Variants in RPS6KA5 observed in about 807,000 individuals in gnomAD.
RPS6KA5 encodes ribosomal protein S6 kinase alpha-5.
Under a neutral mutation model 85.5 loss-of-function variants are expected in RPS6KA5, and 27 were observed. The observed-to-expected ratio is 0.32, with a 90% CI of 0.23 to 0.44. The LOEUF (loss-of-function observed/expected upper bound fraction) is 0.44, where lower values mean the gene tolerates loss of function less well. Ranked by LOEUF, RPS6KA5 falls within the 20% of genes least tolerant of loss-of-function variation. RPS6KA5 has a pLI of 1.00. For synonymous variants in RPS6KA5, 334 were observed against 348.2 expected (o/e 0.96, Z 0.46); for missense variants, 811 against 980.9 (o/e 0.83, Z 2.31).
chr14:90,873,600 C>T (rs1406133840), intron 16 of RPS6KA5, 32 bp downstream of exon 16: 1 of 1,550,892 alleles, frequency 6.4e-7, no homozygotes, highest in Non-Finnish European at 8.7e-7. Flanking sequence ...CCTACTCAAA[C>T]CGCCCAACAT....
intron 2 of RPS6KA5, among the ~76,000 whole-genome samples, chr14:90,998,678 T>C (rs1209624336): frequency 6.6e-6 from 1 of 152,182 alleles, no homozygotes; most frequent in African/African-American, 2.4e-5. Context: ...TTTTAAAAAA[T>C]ACATTTGAAC....
intron 1 of RPS6KA5, among the ~76,000 whole-genome samples, chr14:91,053,015 T>C (rs1043660310): frequency 6.6e-6 from 1 of 152,088 alleles, no homozygotes; most frequent in East Asian, 1.9e-4. Flanking sequence ...AAGGATTATA[T>C]ACCATGACAA....
At chr14:90,983,276 CAAA>C (rs562999325) in intron 2 of RPS6KA5, among the ~76,000 whole-genome samples, 4 of 66,594 alleles carry the variant, frequency 6.0e-5, no homozygotes, top group Admixed American at 1.7e-4. Flanking sequence ...GACTCCATCT[CAAA>C]AAAAAAAAAA....
intron 8 of RPS6KA5, among the ~76,000 whole-genome samples, chr14:90,905,942 C>A (rs1362410421): frequency 3.3e-5 from 5 of 151,916 alleles, no homozygotes; most frequent in Non-Finnish European, 5.9e-5. Context: ...GAGAAAAATA[C>A]CATTAATGTT....
intron 4 of RPS6KA5, among the ~76,000 whole-genome samples, chr14:90,944,229 T>C (rs1278829229): frequency 1.3e-5 from 2 of 152,228 alleles, no homozygotes; most frequent in Non-Finnish European, 2.9e-5. Context: ...CTGAATTAAA[T>C]GTTTCTAAAC....
chr14:90,974,279 A>G (rs901277171), intron 3 of RPS6KA5, among the ~76,000 whole-genome samples: 5 of 152,216 alleles, frequency 3.3e-5, no homozygotes, highest in African/African-American at 1.2e-4. Flanking sequence ...TTGAGACTTT[A>G]GATCTAGCTT....
chr14:90,945,847 A>G lies in RPS6KA5; in HGVS notation c.510+1588T>C, dbSNP rs535515727. On this transcript the variant is annotated intron_variant, in intron 4 of 16. Transcript: ENST00000614987. Reference sequence around the variant, plus strand: ...GCAAAACCTCATCTCTATAAAAAATACAAAACTTAGCCAGGTGTGGTGGCA... The same window carrying G: ...GCAAAACCTCATCTCTATAAAAAATGCAAAACTTAGCCAGGTGTGGTGGCA... Among the ~76,000 whole-genome samples the G allele has an allele frequency of 4.6e-5, 7 of 152,254 alleles. No homozygotes were observed. In the South Asian group the frequency reaches 1.5e-3, roughly 32 times the overall value.
rs1595082058 is a variant in RPS6KA5, at chr14:90,866,453, G to A, written c.*5621C>T. 1 of 152,334 alleles carries A rather than the reference G, an allele frequency of 6.6e-6. No homozygotes were observed. The highest frequency in any genetic ancestry group is 1.9e-4 in the East Asian group (1 of 5,170). 9.4% of individuals were successfully genotyped at this position (152,334 alleles called of 1,614,324 possible). ...ACTGCACTCCGGCCAGGGTGACAGAGTGAGACCCTGTCTCACACAAAGGCA... is the reference window on the plus strand; with the variant it reads ...ACTGCACTCCGGCCAGGGTGACAGAATGAGACCCTGTCTCACACAAAGGCA... On this transcript the variant is annotated 3_prime_UTR_variant, in exon 17 of 17. Coordinates refer to ENST00000614987, the MANE Select transcript of RPS6KA5 (RefSeq NM_004755.4).
At chr14:90,964,935 A>AC (rs1420055868) in intron 3 of RPS6KA5, among the ~76,000 whole-genome samples, 166 of 144,386 alleles carry the variant, frequency 1.1e-3, no homozygotes, top group African/African-American at 3.8e-3. Context: ...AAAAAAAAAA[A>AC]CCAAAAAACC....
At chr14:91,013,976 T>C (rs150922422) in intron 1 of RPS6KA5, among the ~76,000 whole-genome samples, 7 of 152,274 alleles carry the variant, frequency 4.6e-5, no homozygotes, top group African/African-American at 1.4e-4. Flanking sequence ...TTCTGAATAG[T>C]TGCAGTGCAA....
intron 2 of RPS6KA5, among the ~76,000 whole-genome samples, chr14:90,982,955 T>C (rs2140495184): frequency 6.6e-6 from 1 of 151,996 alleles, no homozygotes; most frequent in South Asian, 2.1e-4. Flanking sequence ...CTACTAAAAA[T>C]ACAAAAAATT....
At chr14:91,016,150 T>C (rs1342776715) in intron 1 of RPS6KA5, among the ~76,000 whole-genome samples, 1 of 152,200 alleles carries the variant, frequency 6.6e-6, no homozygotes, top group Non-Finnish European at 1.5e-5. Context: ...TCTAATTTTA[T>C]GGCAAGGGTA....
rs1254402793 is a variant in RPS6KA5, at chr14:91,005,713, A to G, written c.104-4554T>C. On this transcript the variant is annotated intron_variant, in intron 1 of 16. Coordinates refer to ENST00000614987, the MANE Select transcript of RPS6KA5 (RefSeq NM_004755.4). ...ATTGTGATTAAAGCTTTTGTGCATGAAAGTCTAAAAATAAATCACATTTCT... is the reference window on the plus strand; with the variant it reads ...ATTGTGATTAAAGCTTTTGTGCATGGAAGTCTAAAAATAAATCACATTTCT... Among the ~76,000 whole-genome samples the G allele has an allele frequency of 2.6e-5, 4 of 152,248 alleles. No homozygotes were observed. The East Asian group carries it at 7.7e-4, about 29-fold the overall frequency.
At chr14:90,947,889 A>T in intron 3 of RPS6KA5, among the ~76,000 whole-genome samples, 1 of 152,258 alleles carries the variant, frequency 6.6e-6, no homozygotes, top group African/African-American at 2.4e-5. Flanking sequence ...ACTCTGGAGT[A>T]CCAAAACATC....
At chr14:91,035,689 A>C (rs920639130) in intron 1 of RPS6KA5, among the ~76,000 whole-genome samples, 1 of 152,020 alleles carries the variant, frequency 6.6e-6, no homozygotes, top group Non-Finnish European at 1.5e-5. Flanking sequence ...CCCCAACATC[A>C]TCTATAAAAG....
intron 1 of RPS6KA5, among the ~76,000 whole-genome samples, chr14:91,031,427 G>T (rs1595513212): frequency 6.6e-6 from 1 of 152,130 alleles, no homozygotes; most frequent in East Asian, 1.9e-4. Context: ...CAGGAAACAG[G>T]ATTAAGCACA....
chr14:90,965,514 T>C (rs1377093554), intron 3 of RPS6KA5, among the ~76,000 whole-genome samples: 1 of 152,114 alleles, frequency 6.6e-6, no homozygotes, highest in South Asian at 2.1e-4. Flanking sequence ...GACCTGATCA[T>C]CTCAGACAGA....
rs115164807 is a variant in RPS6KA5 at position 91,045,254 on chromosome 14, C to T, written c.103+15078G>A. ...CATGTCAATACAATACCAAGTTCTG[C>T]TGATTCTTTTTTTTTTTTTTTTTTG... On this transcript the variant is annotated intron_variant, in intron 1 of 16. Transcript: ENST00000614987. 5.1e-3 allele frequency among the ~76,000 whole-genome samples: 757 copies of T among 149,770 alleles called. 5 individuals are homozygous for T. Among genetic ancestry groups the T allele is most frequent in the African/African-American group, 0.017 (678 of 40,602 alleles).
At chr14:90,875,999 A>G (rs2033447287) in intron 14 of RPS6KA5, among the ~76,000 whole-genome samples, 1 of 151,948 alleles carries the variant, frequency 6.6e-6, no homozygotes, top group African/African-American at 2.4e-5. Flanking sequence ...ACATGTATAC[A>G]TATGTAAAAA....
Sources: allele counts gnomAD v4.1 joint callset (sites outside exome capture counted in the v4.1 genomes callset), GRCh38; gene constraint gnomAD v4.1.1; transcripts MANE v1.5; gene names NCBI Gene and HGNC (gene_info 2026-07-23, HGNC 2026-07-21).